Variants in TSPAN19 observed in about 807,000 individuals in gnomAD.
TSPAN19 encodes the protein tetraspanin 19.
TSPAN19 carries 44 observed loss-of-function variants against 35.1 expected under a neutral mutation model. The ratio of observed to expected loss-of-function variants is 1.25; its 90% CI spans 0.98 to 1.61. TSPAN19 has a LOEUF of 1.61. Ranked by LOEUF, TSPAN19 falls within the 40% of genes most tolerant of loss-of-function variation. The pLI is 0.00. For synonymous variants in TSPAN19, 79 were observed against 92.0 expected, an observed-to-expected ratio of 0.86 and a Z score of 0.81; for missense variants, 290 against 280.0, an observed-to-expected ratio of 1.04 and a Z score of -0.26.
At chr12:85,030,087 A>T in intron 1 of TSPAN19, 114 bp from the exon 2 acceptor site, 1 of 822,372 alleles carries the variant, frequency 1.2e-6, no homozygotes, top group Non-Finnish European at 1.7e-6. Flanking sequence ...TCAGTATAAC[A>T]TACTTCCATC....
At chr12:85,028,121 T>A in intron 3 of TSPAN19, 98 bp from the exon 4 acceptor site, 1 of 1,057,546 alleles carries the variant, frequency 9.5e-7, no homozygotes, top group Non-Finnish European at 1.3e-6. Flanking sequence ...CAATCAAAAG[T>A]TTTTCTGAGC....
chr12:85,017,846 A>G lies in TSPAN19; in HGVS notation c.451-247T>C, dbSNP rs1876903393. ...GCTTGTGGTTGGATAGAATTATTAC[A>G]TCTGAATTTTATCCAGGATAGAAGA... On this transcript the variant is annotated intron_variant, in intron 6 of 8. Transcript: ENST00000532498. Among the ~76,000 whole-genome samples, 4 of 151,840 alleles carry G rather than the reference A, an allele frequency of 2.6e-5. No homozygotes were observed. In the South Asian group the frequency reaches 8.3e-4, roughly 31 times the overall value.
intron 7 of TSPAN19, 178 bp downstream of exon 7, chr12:85,017,278 T>A (rs1876864739): frequency 1.7e-6 from 1 of 586,262 alleles, no homozygotes; most frequent in Admixed American, 3.4e-5. Flanking sequence ...TATTATACAC[T>A]GGAAATGACA....
At chr12:85,029,691 T>G (rs772681888) in intron 3 of TSPAN19, 28 bp downstream of exon 3, 1 of 1,496,362 alleles carries the variant, frequency 6.7e-7, no homozygotes, top group African/African-American at 1.4e-5. Flanking sequence ...TCTATTTCAC[T>G]GAGAGAAAAA....
chr12:85,014,765 C>T (rs1237123678), intron 8 of TSPAN19: 5 of 404,894 alleles, frequency 1.2e-5, no homozygotes, highest in South Asian at 5.4e-5. Context: ...ACCAAGTTCA[C>T]GTACAGAGGA....
At chr12:85,025,925 T>C (rs1877388371) in intron 4 of TSPAN19, among the ~76,000 whole-genome samples, 2 of 152,214 alleles carry the variant, frequency 1.3e-5, no homozygotes, top group South Asian at 2.1e-4. Flanking sequence ...AAAATATTGG[T>C]AAATTCAGAG....
chr12:85,032,957 C>T (rs1482807807), intron 1 of TSPAN19, among the ~76,000 whole-genome samples: 2 of 152,072 alleles, frequency 1.3e-5, no homozygotes, highest in African/African-American at 4.8e-5. Flanking sequence ...TATTATTTTG[C>T]ACTAGTTTAA....
Position 85,032,747 on chromosome 12 carries a change from G to T in TSPAN19, c.-27-2774C>A, listed in dbSNP as rs112380824. Among the ~76,000 whole-genome samples the T allele has an allele frequency of 2.5e-4, 38 of 152,248 alleles. 1 individual carries two copies. Among genetic ancestry groups the T allele is most frequent in the African/African-American group, 9.1e-4 (38 of 41,566 alleles). The stretch of plus-strand genomic sequence containing the variant: ...AAAGATACACAGTAAGTTAAGTGTA[G>T]TTCTTATTTAAATATTTGTAGTGTG... On this transcript the variant is annotated intron_variant, in intron 1 of 8. Transcript: ENST00000532498.
At position 85,036,193 on chromosome 12, in the gene TSPAN19, T is replaced by A. The variant is rs1431871378; in HGVS notation, c.-28+11A>T. ...AGTATTTTCCAAAGTTACTTAAATA[T>A]TAAAATCTACCTGTAAAAAACCGTA... On this transcript the variant is annotated intron_variant, in intron 1 of 8. Coordinates refer to ENST00000532498, the MANE Select transcript of TSPAN19 (RefSeq NM_001100917.2). 1 of 152,242 alleles carries A rather than the reference T, an allele frequency of 6.6e-6. No individual in the cohort carries two copies. The highest frequency in any genetic ancestry group is 1.5e-5 in the Non-Finnish European group (1 of 68,044). The allele number at this position is 152,242 out of a possible 1,614,324, so 9.4% of individuals were successfully genotyped here. A position where few individuals can be genotyped will look rare whatever the true frequency, so the allele number is the denominator to read the frequency against.
intron 1 of TSPAN19, among the ~76,000 whole-genome samples, chr12:85,032,345 T>C (rs1261871594): frequency 6.6e-6 from 1 of 152,022 alleles, no homozygotes; most frequent in Non-Finnish European, 1.5e-5. Flanking sequence ...AATTAAGAAT[T>C]TGGAATTTTT....
intron 1 of TSPAN19, among the ~76,000 whole-genome samples, chr12:85,031,381 G>A (rs1021267818): frequency 6.6e-6 from 1 of 152,076 alleles, no homozygotes; most frequent in African/African-American, 2.4e-5. Context: ...CATGTGAAAA[G>A]CTCTCTCACA....
At chr12:85,025,358 A>C (rs1009439218) in intron 4 of TSPAN19, among the ~76,000 whole-genome samples, 1 of 151,944 alleles carries the variant, frequency 6.6e-6, no homozygotes, top group Non-Finnish European at 1.5e-5. Flanking sequence ...CTGGTCTCCA[A>C]CTACTGGCTG....
At position 85,017,546 on chromosome 12, in the gene TSPAN19, T is replaced by C. The variant is rs1262801669; in HGVS notation, c.504A>G (p.Lys168=). 2 of 1,597,192 alleles carry C rather than the reference T, an allele frequency of 1.3e-6. No individual in the cohort carries two copies. The highest frequency in any genetic ancestry group is 1.7e-6 in the Non-Finnish European group (2 of 1,170,434). The change falls in exon 7 of 9, where the codon AAA becomes AAG. Residue 168 remains lysine, a synonymous_variant. Coordinates refer to ENST00000532498, the MANE Select transcript of TSPAN19 (RefSeq NM_001100917.2). ...AACATGGCACCTGTCCTGAATTTTC[T>C]TTGTTCTTATTCTTTATCCAGTCTG... ...NYTDWIKNKN[K]ENSGQVPCSC... is the part of the protein sequence containing the mutation.
intron 4 of TSPAN19, among the ~76,000 whole-genome samples, chr12:85,023,886 T>C (rs1366252980): frequency 6.6e-6 from 1 of 152,098 alleles, no homozygotes; most frequent in Non-Finnish European, 1.5e-5. Context: ...CCAAACCAAA[T>C]AAAATAATTT....
At chr12:85,024,868 C>T (rs1326532618) in intron 4 of TSPAN19, 1 of 151,332 alleles carries the variant, frequency 6.6e-6, no homozygotes, top group Non-Finnish European at 1.5e-5. Context: ...TAATGATTTA[C>T]TGTATTATTT....
intron 7 of TSPAN19, chr12:85,016,214 C>G: frequency 2.9e-6 from 1 of 349,216 alleles, no homozygotes; most frequent in Non-Finnish European, 5.1e-6. Context: ...ATTTGTTACA[C>G]TTTAGAAAGA....
rs557173320 is a variant in TSPAN19 at position 85,027,669 on chromosome 12, T to C, written c.264+230A>G. Among the ~76,000 whole-genome samples the C allele has an allele frequency of 2.0e-5, 3 of 152,158 alleles. No homozygotes were observed. The South Asian group carries it at 6.2e-4, about 32-fold the overall frequency. Reference sequence around the variant, plus strand: ...AGTCCTATTGACTCTGTGTTGAAAATTAAATGTCCAAATGTGCTGAGGTAC... The same window carrying C: ...AGTCCTATTGACTCTGTGTTGAAAACTAAATGTCCAAATGTGCTGAGGTAC... On this transcript the variant is annotated intron_variant, in intron 4 of 8. Transcript: ENST00000532498.
At position 85,029,702 on chromosome 12, in the gene TSPAN19, CA is replaced by C; in HGVS notation, c.139+16del. 6.6e-7 allele frequency: 1 copy of C among 1,521,780 alleles called. No individual in the cohort carries two copies. Among genetic ancestry groups the C allele is most frequent in the Non-Finnish European group, 8.8e-7 (1 of 1,133,904 alleles). 94.3% of individuals were successfully genotyped at this position (1,521,780 alleles called of 1,614,324 possible). The stretch of plus-strand genomic sequence containing the variant: ...AATGTCTATTTCACTGAGAGAAAAA[CA>C]AAAATAGATACATACCAAAAGCTGT... On this transcript the variant is annotated intron_variant, in intron 3 of 8. Transcript: ENST00000532498.
At chr12:85,020,241 A>G (rs1265698249) in intron 5 of TSPAN19, among the ~76,000 whole-genome samples, 1 of 148,066 alleles carries the variant, frequency 6.8e-6, no homozygotes, top group South Asian at 2.1e-4. Flanking sequence ...ACAAATGTAC[A>G]TTTTTCTCGG....
Sources: allele counts gnomAD v4.1 joint callset (sites outside exome capture counted in the v4.1 genomes callset), GRCh38; gene constraint gnomAD v4.1.1; transcripts MANE v1.5; gene names NCBI Gene and HGNC (gene_info 2026-07-23, HGNC 2026-07-21).